The following VPS8 variants were observed in gnomAD, a reference collection of about 807,000 sequenced individuals.
VPS8 encodes the protein VPS8 subunit of CORVET complex, also known as vacuolar protein sorting-associated protein 8 homolog.
A neutral mutation model predicts 216.4 loss-of-function variants in VPS8; 129 were observed. The ratio of observed to expected loss-of-function variants is 0.60; its 90% CI spans 0.52 to 0.69. The LOEUF is 0.69. VPS8 is among the 30% of genes least tolerant of loss of function. The probability of loss-of-function intolerance (pLI) is 0.00; values close to 1 mark genes in which losing one functional copy is unlikely to be tolerated. For missense variants in VPS8, 1,531 were observed against 1,683.5 expected, an observed-to-expected ratio of 0.91 and a Z score of 1.59; for synonymous variants, 571 against 565.4, an observed-to-expected ratio of 1.01 and a Z score of -0.14.
At chr3:184,948,675 C>T (rs539933239) in intron 36 of VPS8, among the ~76,000 whole-genome samples, 56 of 152,234 alleles carry the variant, frequency 3.7e-4, no homozygotes, top group Middle Eastern at 6.8e-3. Context: ...GGTTCCTGGG[C>T]CTGTCAGAAA....
chr3:184,979,996 G>A (rs1017303008), intron 40 of VPS8, among the ~76,000 whole-genome samples: 6 of 152,100 alleles, frequency 3.9e-5, no homozygotes, highest in Admixed American at 3.9e-4. Context: ...TGGTGGTAAC[G>A]AATTTCCTTA....
At chr3:184,933,413 T>A (rs1447199529) in intron 34 of VPS8, among the ~76,000 whole-genome samples, 1 of 152,180 alleles carries the variant, frequency 6.6e-6, no homozygotes, top group African/African-American at 2.4e-5. Flanking sequence ...AAATGTCTCA[T>A]ACTTACTGTT....
chr3:184,869,845 C>T (rs563674242), intron 20 of VPS8, among the ~76,000 whole-genome samples: 18 of 152,222 alleles, frequency 1.2e-4, no homozygotes, highest in Admixed American at 2.6e-4. Flanking sequence ...GCTATGATTG[C>T]GGCACTGCAC....
chr3:184,946,780 T>C (rs1743753455), intron 36 of VPS8, among the ~76,000 whole-genome samples: 2 of 152,176 alleles, frequency 1.3e-5, no homozygotes, highest in African/African-American at 2.4e-5. Context: ...CACACTGTTT[T>C]CTTGAGAGCA....
At chr3:184,813,947 A>G (rs536041631) in intron 1 of VPS8, 58 of 152,366 alleles carry the variant, frequency 3.8e-4, no homozygotes, top group African/African-American at 1.3e-3. Flanking sequence ...TGTAGGTGTC[A>G]TCGGTACATA....
chr3:184,969,678 C>T (rs1748073948), intron 39 of VPS8, among the ~76,000 whole-genome samples: 2 of 151,218 alleles, frequency 1.3e-5, no homozygotes, highest in Non-Finnish European at 2.9e-5. Flanking sequence ...GATCCACCCG[C>T]CTCGGCCTCC....
chr3:184,848,411 T>G (rs2108641383), intron 8 of VPS8, among the ~76,000 whole-genome samples: 1 of 152,278 alleles, frequency 6.6e-6, no homozygotes, highest in African/African-American at 2.4e-5. Flanking sequence ...GTATTCCCGA[T>G]AACTTTGCAT....
chr3:185,009,461 C>T (rs1348946590), intron 45 of VPS8, among the ~76,000 whole-genome samples: 2 of 152,094 alleles, frequency 1.3e-5, no homozygotes, highest in Non-Finnish European at 2.9e-5. Context: ...CTTTTATGCA[C>T]TACTAGTGGG....
intron 46 of VPS8, among the ~76,000 whole-genome samples, chr3:185,045,739 C>CTTGG (rs1712722424): frequency 9.8e-6 from 1 of 101,552 alleles, no homozygotes; most frequent in Admixed American, 1.0e-4. Context: ...TGCACTCCAG[C>CTTGG]CTGGGTGACA....
chr3:185,038,394 GTTTCT>G (rs1759188724), intron 46 of VPS8, among the ~76,000 whole-genome samples: 1 of 152,192 alleles, frequency 6.6e-6, no homozygotes, highest in Non-Finnish European at 1.5e-5. Flanking sequence ...TCAAATTGCA[GTTTCT>G]TTTAAGTAAT....
chr3:184,816,180 TCA>T (rs1279629126), intron 1 of VPS8: 1 of 152,226 alleles, frequency 6.6e-6, no homozygotes, highest in African/African-American at 2.4e-5. Flanking sequence ...ACTTATTACC[TCA>T]CACACATATT....
intron 11 of VPS8, among the ~76,000 whole-genome samples, chr3:184,852,816 T>C (rs1239500463): frequency 6.6e-6 from 1 of 152,186 alleles, no homozygotes; most frequent in African/African-American, 2.4e-5. Context: ...TCTTATATGC[T>C]GTCAAGCTTG....
intron 28 of VPS8, 39 bp from the exon 29 acceptor site, chr3:184,920,088 A>G (rs999147755): frequency 2.7e-5 from 37 of 1,351,854 alleles, no homozygotes; most frequent in Non-Finnish European, 3.5e-5. Flanking sequence ...TACATGTGCA[A>G]ATAATAATTA....
At chr3:184,879,520 A>C (rs1370118958) in intron 21 of VPS8, among the ~76,000 whole-genome samples, 1 of 152,196 alleles carries the variant, frequency 6.6e-6, no homozygotes, top group African/African-American at 2.4e-5. Context: ...AGGCATATGT[A>C]GACCAGGTCT....
chr3:184,999,075 G>C (rs1261007868), intron 44 of VPS8, among the ~76,000 whole-genome samples: 1 of 147,978 alleles, frequency 6.8e-6, no homozygotes, highest in African/African-American at 2.5e-5. Flanking sequence ...TTTTTTTTTT[G>C]AGACAGAGTT....
intron 25 of VPS8, 24 bp downstream of exon 25, chr3:184,900,996 T>A: frequency 6.3e-7 from 1 of 1,599,818 alleles, no homozygotes; most frequent in East Asian, 2.2e-5. Context: ...AAGCCTTAAT[T>A]TTTTGCTTTC....
intron 22 of VPS8, among the ~76,000 whole-genome samples, chr3:184,891,532 T>G (rs1016061455): frequency 6.6e-6 from 1 of 152,172 alleles, no homozygotes; most frequent in African/African-American, 2.4e-5. Flanking sequence ...TATATTGAGA[T>G]ATAATTCACA....
chr3:184,993,904 T>G, intron 42 of VPS8, 79 bp from the exon 43 acceptor site: 1 of 1,116,954 alleles, frequency 9.0e-7, no homozygotes, highest in Non-Finnish European at 1.3e-6. Context: ...TAAAAGCATT[T>G]GGCTTTTTCA....
chr3:184,863,062 G>C lies in VPS8; in HGVS notation c.1390G>C (p.Ala464Pro). Residue 464 changes from alanine to proline, a missense_variant, in exon 16 of 48, where the codon GCA becomes CCA. This residue lies in a region of VPS8 where 1,318 missense variants were observed against 1,468.4 expected (regional missense o/e 0.90). Transcript: ENST00000625842. ...SLATGGNVSQ[A>P]LALVGEKACY... Reference sequence around the variant, plus strand: ...AGCCACTGGAGGAAATGTTAGCCAGGCACTGGTAAGGATAATCACTTATCT... The same window carrying C: ...AGCCACTGGAGGAAATGTTAGCCAGCCACTGGTAAGGATAATCACTTATCT... The C allele has an allele frequency of 6.2e-7, 1 of 1,613,718 alleles. No homozygotes were observed. Among genetic ancestry groups the C allele is most frequent in the Non-Finnish European group, 8.5e-7 (1 of 1,179,732 alleles).
Sources: allele counts gnomAD v4.1 joint callset (sites outside exome capture counted in the v4.1 genomes callset), GRCh38; gene constraint gnomAD v4.1.1; regional missense constraint gnomAD v4.1.1; transcripts MANE v1.5; gene names NCBI Gene and HGNC (gene_info 2026-07-23, HGNC 2026-07-21).